The following HUNK variants were observed in gnomAD, a reference collection of about 807,000 sequenced individuals.
The protein encoded by HUNK is hormonally up-regulated neu tumor-associated kinase.
Under a neutral mutation model 61.0 loss-of-function variants are expected in HUNK, and 21 were observed. The observed-to-expected ratio is 0.34, with a 90% CI of 0.24 to 0.50. The LOEUF (loss-of-function observed/expected upper bound fraction) is 0.50. HUNK is among the 20% of genes least tolerant of loss of function. The pLI is 0.98. For synonymous variants in HUNK, 371 were observed against 386.1 expected (o/e 0.96, Z 0.46); for missense variants, 772 against 945.7 (o/e 0.82, Z 2.41).
At chr21:31,953,359 A>C (rs7277826) in intron 4 of HUNK, among the ~76,000 whole-genome samples, 152,158 of 152,158 alleles carry the variant, frequency 1, 76,079 homozygotes, top group Non-Finnish European at 1. Context: ...CTCAGCCTCC[A>C]AAGTAGCTGG....
At chr21:31,978,238 A>G (rs113434694) in intron 7 of HUNK, among the ~76,000 whole-genome samples, 7 of 152,358 alleles carry the variant, frequency 4.6e-5, no homozygotes, top group African/African-American at 1.7e-4. Flanking sequence ...CCTGTACAAC[A>G]TGATGCTTTG....
chr21:31,884,135 T>C (rs8134536), intron 1 of HUNK, among the ~76,000 whole-genome samples: 8,798 of 152,232 alleles, frequency 0.058, 313 homozygotes, highest in Middle Eastern at 0.16. Context: ...ATGGTTGCTA[T>C]GATCAGAATG....
At chr21:31,997,355 G>A (rs188005684) in intron 10 of HUNK, among the ~76,000 whole-genome samples, 9 of 152,302 alleles carry the variant, frequency 5.9e-5, no homozygotes, top group Non-Finnish European at 1.0e-4. Context: ...TTCTTCCCCC[G>A]TTCAGAATTG....
rs77730634 is a variant in HUNK, at chr21:31,924,149, A to G, written c.262-319A>G. ...TCATCTTCCCATCCTGTAGAAAAAT[A>G]AATTTGACATTAATCCTGCACTGTG... On this transcript the variant is annotated intron_variant, in intron 1 of 10. Transcript: ENST00000270112. This position sits in a 1 kb window ranked among gnomAD's most constrained non-coding sequence, Gnocchi z 5.1. Among the ~76,000 whole-genome samples, 13 of 152,272 alleles carry G rather than the reference A, an allele frequency of 8.5e-5. No homozygotes were observed. In the South Asian group the frequency reaches 2.7e-3, roughly 32 times the overall value.
chr21:31,956,499 C>T (rs1475029607), intron 4 of HUNK, among the ~76,000 whole-genome samples: 2 of 152,154 alleles, frequency 1.3e-5, no homozygotes, highest in East Asian at 1.9e-4. Context: ...GTGTTTAGCT[C>T]TACCTCAAAC....
intron 1 of HUNK, among the ~76,000 whole-genome samples, chr21:31,902,985 A>C (rs891113527): frequency 2.6e-5 from 4 of 152,142 alleles, no homozygotes; most frequent in African/African-American, 9.7e-5. Context: ...ATCATGATCA[A>C]AGTGTCTAAT....
chr21:31,993,835 G>A (rs756239433), intron 9 of HUNK, among the ~76,000 whole-genome samples: 2 of 152,106 alleles, frequency 1.3e-5, no homozygotes, highest in South Asian at 2.1e-4. Flanking sequence ...CCCAGATAAC[G>A]TCCTGGAGCA....
chr21:31,886,880 A>G (rs990904726), intron 1 of HUNK, among the ~76,000 whole-genome samples: 1 of 152,156 alleles, frequency 6.6e-6, no homozygotes, highest in Non-Finnish European at 1.5e-5. Context: ...ACCTCAGGTG[A>G]TCCACCTGCC....
Position 31,877,229 on chromosome 21 carries a change from G to GGT in HUNK, c.261+3309_261+3310dup, listed in dbSNP as rs374661802. ...GCTAGTTGAAGGCATTTGGTATGGGGGTGTGTGTGTGTGTGTAGCGTGTTG... is the reference window on the plus strand; with the variant it reads ...GCTAGTTGAAGGCATTTGGTATGGGGGTGTGTGTGTGTGTGTGTAGCGTGTTG... On this transcript the variant is annotated intron_variant, in intron 1 of 10. Coordinates refer to ENST00000270112, the MANE Select transcript of HUNK (RefSeq NM_014586.2). 2.6e-3 allele frequency among the ~76,000 whole-genome samples: 389 copies of GGT among 151,578 alleles called. 2 individuals carry two copies. The highest frequency in any genetic ancestry group is 3.6e-3 in the Non-Finnish European group (246 of 67,804).
chr21:31,894,641 A>G (rs879757589), intron 1 of HUNK, among the ~76,000 whole-genome samples: 2 of 152,180 alleles, frequency 1.3e-5, no homozygotes, highest in African/African-American at 2.4e-5. Context: ...AATTAAAAAA[A>G]AGCACTTCCT....
intron 9 of HUNK, among the ~76,000 whole-genome samples, chr21:31,994,163 G>A (rs1198625492): frequency 2.0e-5 from 3 of 152,242 alleles, no homozygotes; most frequent in Non-Finnish European, 4.4e-5. Context: ...GCTGGTGGCA[G>A]CTGTGAAGGT....
At chr21:31,902,657 A>T (rs1470239929) in intron 1 of HUNK, among the ~76,000 whole-genome samples, 5 of 152,214 alleles carry the variant, frequency 3.3e-5, no homozygotes, top group African/African-American at 9.6e-5. Flanking sequence ...TGGTCCACAC[A>T]TAGGCCTTTT....
At chr21:31,947,771 T>G (rs949760483) in intron 4 of HUNK, among the ~76,000 whole-genome samples, 1 of 152,018 alleles carries the variant, frequency 6.6e-6, no homozygotes, top group Non-Finnish European at 1.5e-5. Flanking sequence ...CAGTTCAGAG[T>G]CTTGGATTCT....
chr21:31,985,603 G>GGCCGGCAGTGGGCA (rs1176882285), intron 8 of HUNK, among the ~76,000 whole-genome samples: 1 of 152,230 alleles, frequency 6.6e-6, no homozygotes, highest in Non-Finnish European at 1.5e-5. Context: ...GGCTGGAGGT[G>GGCCGGCAGTGGGCA]GCCGGCAGTG....
rs563918349 is a variant in HUNK, at chr21:32,001,062, A to C, written c.*1878A>C. ...CGAGGCAGGTGGATCGCTTGAGCTCAGGAGTTCGAGAGCAGCCTGGGCAAC... is the reference window on the plus strand; with the variant it reads ...CGAGGCAGGTGGATCGCTTGAGCTCCGGAGTTCGAGAGCAGCCTGGGCAAC... On this transcript the variant is annotated 3_prime_UTR_variant, in exon 11 of 11. Transcript: ENST00000270112. 3 of 208,512 alleles carry C rather than the reference A, an allele frequency of 1.4e-5. No individual in the cohort carries two copies. In the East Asian group the frequency reaches 3.0e-4, roughly 21 times the overall value. 12.9% of individuals were successfully genotyped at this position (208,512 alleles called of 1,614,324 possible).
chr21:31,965,603 T>TTC (rs990523779), intron 5 of HUNK, among the ~76,000 whole-genome samples: 1 of 149,460 alleles, frequency 6.7e-6, no homozygotes, highest in Non-Finnish European at 1.5e-5. Context: ...TCTTTTTTTT[T>TTC]TTTTTTTTTT....
In HUNK at chr21:31,987,516, T is replaced by C. The variant is rs558467276; in HGVS notation, c.1258-2613T>C. Among the ~76,000 whole-genome samples, 8 of 152,298 alleles carry C rather than the reference T, an allele frequency of 5.3e-5. No individual in the cohort carries two copies. The East Asian group carries it at 5.8e-4, about 11-fold the overall frequency. On this transcript the variant is annotated intron_variant, in intron 8 of 10. Coordinates refer to ENST00000270112, the MANE Select transcript of HUNK (RefSeq NM_014586.2). ...GTGTCGGAAGGGGCCAGAACTATAG[T>C]GGGAAAGGGGCCCTTCTTTCATCTC...
intron 1 of HUNK, among the ~76,000 whole-genome samples, chr21:31,915,428 A>G (rs2052575247): frequency 1.3e-5 from 2 of 152,206 alleles, no homozygotes; most frequent in Non-Finnish European, 2.9e-5. Context: ...CATTTTGATT[A>G]TTTAAAACAT....
At chr21:31,909,378 G>A (rs1391539395) in intron 1 of HUNK, among the ~76,000 whole-genome samples, 1 of 152,132 alleles carries the variant, frequency 6.6e-6, no homozygotes, top group Non-Finnish European at 1.5e-5. Flanking sequence ...GGATCCCCGG[G>A]AAAGTGGCTT....
Sources: allele counts gnomAD v4.1 joint callset (sites outside exome capture counted in the v4.1 genomes callset), GRCh38; gene constraint gnomAD v4.1.1; non-coding constraint Gnocchi (gnomAD v3.1); transcripts MANE v1.5; gene names NCBI Gene and HGNC (gene_info 2026-07-23, HGNC 2026-07-21).